The following ZNF804A variants were observed in gnomAD, a reference collection of about 807,000 sequenced individuals.
ZNF804A encodes the protein zinc finger protein 804A.
Under a neutral mutation model 16.5 loss-of-function variants are expected in ZNF804A, and 2 were observed. The observed-to-expected ratio is 0.12, with a 90% CI of 0.05 to 0.38. The LOEUF (loss-of-function observed/expected upper bound fraction) is 0.38. ZNF804A is among the 10% of genes least tolerant of loss of function. The pLI is 0.99. For missense variants in ZNF804A, 1,473 were observed against 1,390.7 expected, an observed-to-expected ratio of 1.06 and a Z score of -0.94; for synonymous variants, 534 against 489.6, an observed-to-expected ratio of 1.09 and a Z score of -1.20.
chr2:184,727,951 C>A (rs1007229877), intron 1 of ZNF804A, among the ~76,000 whole-genome samples: 2 of 151,620 alleles, frequency 1.3e-5, no homozygotes, highest in Admixed American at 1.3e-4. Flanking sequence ...ATGGCAAACA[C>A]GGTCTGTGAA....
intron 1 of ZNF804A, among the ~76,000 whole-genome samples, chr2:184,651,006 A>G (rs745867212): frequency 6.6e-6 from 1 of 152,206 alleles, no homozygotes; most frequent in Non-Finnish European, 1.5e-5. Flanking sequence ...AAAAAGAGCA[A>G]AGACAGATAT....
At position 184,916,001 on chromosome 2, in the gene ZNF804A, A is replaced by G. The variant is rs563276798; in HGVS notation, c.256-17602A>G. ...CCTTCTCTGAAGAAGGATATTTGCT[A>G]ACATTCTAATAGAATCTTTTGCATA... On this transcript the variant is annotated intron_variant, in intron 2 of 3. Transcript: ENST00000302277. 3.3e-5 allele frequency among the ~76,000 whole-genome samples: 5 copies of G among 152,322 alleles called. No individual in the cohort carries two copies. In the South Asian group the frequency reaches 1.0e-3, roughly 32 times the overall value.
At chr2:184,705,712 A>G (rs1263801969) in intron 1 of ZNF804A, among the ~76,000 whole-genome samples, 1 of 152,174 alleles carries the variant, frequency 6.6e-6, no homozygotes, top group Non-Finnish European at 1.5e-5. Context: ...TTCCTTTCAC[A>G]CATAAATACA....
At chr2:184,871,390 G>A (rs1170114336) in intron 2 of ZNF804A, among the ~76,000 whole-genome samples, 1 of 139,708 alleles carries the variant, frequency 7.2e-6, no homozygotes, top group Non-Finnish European at 1.5e-5. Context: ...CTTAGGTCTT[G>A]ACTGAAACAT....
At chr2:184,796,002 T>C (rs1048653961) in intron 1 of ZNF804A, among the ~76,000 whole-genome samples, 2 of 152,104 alleles carry the variant, frequency 1.3e-5, no homozygotes, top group Non-Finnish European at 2.9e-5. Flanking sequence ...TAATTCTGTT[T>C]ATGTGGTGAA....
chr2:184,636,959 T>C (rs931459195), intron 1 of ZNF804A, among the ~76,000 whole-genome samples: 2 of 152,196 alleles, frequency 1.3e-5, no homozygotes, highest in African/African-American at 4.8e-5. Context: ...AATAACTTTA[T>C]CTCTGATATA....
chr2:184,604,420 G>A (rs1574127484), intron 1 of ZNF804A, among the ~76,000 whole-genome samples: 1 of 151,894 alleles, frequency 6.6e-6, no homozygotes, highest in East Asian at 1.9e-4. Context: ...TGATCCGCCA[G>A]CCTCAGCCTC....
intron 2 of ZNF804A, among the ~76,000 whole-genome samples, chr2:184,928,627 A>G (rs1485535154): frequency 6.6e-6 from 1 of 152,142 alleles, no homozygotes; most frequent in Non-Finnish European, 1.5e-5. Flanking sequence ...AATAAAGCTG[A>G]AATAAATAAA....
intron 1 of ZNF804A, among the ~76,000 whole-genome samples, chr2:184,757,964 CT>C (rs1301713505): frequency 6.6e-6 from 1 of 151,998 alleles, no homozygotes; most frequent in Admixed American, 6.6e-5. Flanking sequence ...ATTTCCCTTA[CT>C]GTGTAGCCTT....
chr2:184,649,087 T>G (rs2105699129), intron 1 of ZNF804A, among the ~76,000 whole-genome samples: 1 of 152,208 alleles, frequency 6.6e-6, no homozygotes, highest in South Asian at 2.1e-4. Context: ...AGCCATACTC[T>G]TGGAAGATAG....
intron 1 of ZNF804A, among the ~76,000 whole-genome samples, chr2:184,787,415 G>GT (rs1694465541): frequency 2.0e-5 from 3 of 151,574 alleles, no homozygotes; most frequent in Non-Finnish European, 4.4e-5. Flanking sequence ...ATTTTTAGTT[G>GT]TTTGAGATAC....
At chr2:184,799,145 C>T (rs866527497) in intron 1 of ZNF804A, among the ~76,000 whole-genome samples, 1 of 152,158 alleles carries the variant, frequency 6.6e-6, no homozygotes, top group Middle Eastern at 3.4e-3. Context: ...GAGGAGCACT[C>T]TAGAGGGTCT....
chr2:184,759,808 A>G (rs1404072370), intron 1 of ZNF804A, among the ~76,000 whole-genome samples: 1 of 151,680 alleles, frequency 6.6e-6, no homozygotes, highest in Non-Finnish European at 1.5e-5. Flanking sequence ...AAGCTCCCCC[A>G]CTGAGCACCC....
chr2:184,725,337 A>C (rs1693390676), intron 1 of ZNF804A, among the ~76,000 whole-genome samples: 1 of 151,712 alleles, frequency 6.6e-6, no homozygotes, highest in Non-Finnish European at 1.5e-5. Context: ...CAGCATCAGT[A>C]TGATCTTCTC....
chr2:184,801,688 T>C (rs1306562978), intron 1 of ZNF804A, among the ~76,000 whole-genome samples: 2 of 152,242 alleles, frequency 1.3e-5, no homozygotes, highest in African/African-American at 4.8e-5. Context: ...CCATATGCTT[T>C]GCATGTTATT....
At chr2:184,752,876 G>T (rs1574195595) in intron 1 of ZNF804A, among the ~76,000 whole-genome samples, 1 of 151,552 alleles carries the variant, frequency 6.6e-6, no homozygotes. Context: ...GCTCCACACT[G>T]CTAATCATCA....
intron 1 of ZNF804A, among the ~76,000 whole-genome samples, chr2:184,846,289 C>G: frequency 6.6e-6 from 1 of 152,084 alleles, no homozygotes. Flanking sequence ...ACCATCCTGC[C>G]TTACCCAAGA....
At chr2:184,657,946 AC>A (rs1370852483) in intron 1 of ZNF804A, among the ~76,000 whole-genome samples, 4 of 152,236 alleles carry the variant, frequency 2.6e-5, no homozygotes, top group Non-Finnish European at 4.4e-5. Flanking sequence ...GGGAGTAGTC[AC>A]TAGAAAAATT....
intron 1 of ZNF804A, among the ~76,000 whole-genome samples, chr2:184,600,134 G>T (rs540661126): frequency 1.3e-5 from 2 of 152,176 alleles, no homozygotes; most frequent in South Asian, 4.2e-4. Flanking sequence ...GAAGTTTAAG[G>T]ACAGACTCAA....
Sources: allele counts gnomAD v4.1 joint callset (sites outside exome capture counted in the v4.1 genomes callset), GRCh38; gene constraint gnomAD v4.1.1; transcripts MANE v1.5; gene names NCBI Gene and HGNC (gene_info 2026-07-23, HGNC 2026-07-21).